The following LRRC4C variants were observed in gnomAD, a reference collection of about 807,000 sequenced individuals.
The protein encoded by LRRC4C is leucine rich repeat containing 4C.
A neutral mutation model predicts 33.6 loss-of-function variants in LRRC4C; 5 were observed. The ratio of observed to expected loss-of-function variants is 0.15; its 90% confidence interval spans 0.08 to 0.31. LRRC4C has a LOEUF of 0.31. Among genes scored for constraint, LRRC4C ranks in the 10% least tolerant of loss-of-function variants. The probability of loss-of-function intolerance (pLI) is 1.00; values close to 1 mark genes in which losing one functional copy is unlikely to be tolerated. For synonymous variants in LRRC4C, 329 were observed against 302.0 expected, an observed-to-expected ratio of 1.09 and a Z score of -0.93; for missense variants, 560 against 796.7, an observed-to-expected ratio of 0.70 and a Z score of 3.58.
At chr11:40,167,341 T>C (rs1403098935) in intron 5 of LRRC4C, among the ~76,000 whole-genome samples, 1 of 152,210 alleles carries the variant, frequency 6.6e-6, no homozygotes, top group African/African-American at 2.4e-5. Flanking sequence ...TTCATTTGCA[T>C]AGTCTCAAAA....
chr11:40,553,954 G>T (rs1318466693), intron 3 of LRRC4C, among the ~76,000 whole-genome samples: 1 of 151,994 alleles, frequency 6.6e-6, no homozygotes, highest in Non-Finnish European at 1.5e-5. Context: ...GTTTAATTAG[G>T]TCCCAATTGT....
In LRRC4C at chr11:41,454,083, A is replaced by C. The variant is rs537062312; in HGVS notation, c.-496+5348T>G. Among the ~76,000 whole-genome samples the C allele has an allele frequency of 1.1e-4, 17 of 152,204 alleles. 1 individual carries two copies. The highest frequency in any genetic ancestry group is 5.2e-4 in the Admixed American group (8 of 15,272). The stretch of plus-strand genomic sequence containing the variant: ...AGGATAAAAAGAACCCACAACCTGA[A>C]GGACAAAACCCTGTTCTCTCCATGC... On this transcript the variant is annotated intron_variant, in intron 1 of 6. Transcript: ENST00000528697.
intron 3 of LRRC4C, among the ~76,000 whole-genome samples, chr11:40,505,558 T>C (rs950867321): frequency 6.6e-6 from 1 of 152,142 alleles, no homozygotes; most frequent in East Asian, 1.9e-4. Context: ...ATTTTCTCAA[T>C]TCCATATCCA....
chr11:41,039,134 T>C (rs977988753), intron 1 of LRRC4C, among the ~76,000 whole-genome samples: 1 of 152,194 alleles, frequency 6.6e-6, no homozygotes, highest in Non-Finnish European at 1.5e-5. Flanking sequence ...TCTAGTTTCA[T>C]TCTTCTGCAT....
In LRRC4C at chr11:40,895,853, C is replaced by T. The variant is rs538141351; in HGVS notation, c.-407+37782G>A. Among the ~76,000 whole-genome samples the T allele has an allele frequency of 3.3e-5, 5 of 152,206 alleles. No homozygotes were observed. In the South Asian group the frequency reaches 8.3e-4, roughly 25 times the overall value. On this transcript the variant is annotated intron_variant, in intron 2 of 6. Transcript: ENST00000528697. ...CTTTGAAGTTATCCTGGCATCTGAG[C>T]CCAACCCTGCAATCTGGGGGCTGTC...
At chr11:40,854,884 T>G (rs919660696) in intron 2 of LRRC4C, among the ~76,000 whole-genome samples, 2 of 152,066 alleles carry the variant, frequency 1.3e-5, no homozygotes, top group African/African-American at 4.8e-5. Context: ...TTAATAACAA[T>G]TAGAGATCAC....
chr11:40,775,837 C>T (rs116859230), intron 2 of LRRC4C, among the ~76,000 whole-genome samples: 354 of 152,230 alleles, frequency 2.3e-3, no homozygotes, highest in Non-Finnish European at 4.0e-3. Flanking sequence ...TGAGAATAAA[C>T]ATTATTATCT....
chr11:40,992,971 T>C (rs1853688138), intron 1 of LRRC4C, among the ~76,000 whole-genome samples: 1 of 152,172 alleles, frequency 6.6e-6, no homozygotes, highest in Non-Finnish European at 1.5e-5. Flanking sequence ...TCTTGGCTGC[T>C]GGAAATTACA....
chr11:40,434,260 T>C (rs974711219), intron 3 of LRRC4C, among the ~76,000 whole-genome samples: 2 of 152,168 alleles, frequency 1.3e-5, no homozygotes, highest in Non-Finnish European at 2.9e-5. Context: ...GCAGACACAA[T>C]ATATGTTATT....
At chr11:40,457,070 G>C (rs1952166136) in intron 3 of LRRC4C, among the ~76,000 whole-genome samples, 1 of 132,742 alleles carries the variant, frequency 7.5e-6, no homozygotes, top group South Asian at 2.4e-4. Flanking sequence ...CAACAGCTCA[G>C]AATTTTAGCT....
chr11:40,395,960 C>T lies in LRRC4C; in HGVS notation c.-269-76239G>A, dbSNP rs901706936. Among the ~76,000 whole-genome samples the T allele has an allele frequency of 7.2e-5, 11 of 152,140 alleles. No individual in the cohort carries two copies. In the East Asian group the frequency reaches 1.2e-3, roughly 16 times the overall value. ...TGAGATCACACCACTGCACTCCAGCCAGGCAACAGAGTGAGACTCTGTCAC... is the reference window on the plus strand; with the variant it reads ...TGAGATCACACCACTGCACTCCAGCTAGGCAACAGAGTGAGACTCTGTCAC... On this transcript the variant is annotated intron_variant, in intron 3 of 6. Coordinates refer to ENST00000528697, the MANE Select transcript of LRRC4C (RefSeq NM_001258419.2).
intron 3 of LRRC4C, among the ~76,000 whole-genome samples, chr11:40,573,084 T>C (rs1383139054): frequency 6.6e-6 from 1 of 152,202 alleles, no homozygotes. Context: ...AAGGTGACTA[T>C]TATTGCTCTG....
Position 40,746,139 on chromosome 11 carries a change from A to G in LRRC4C, c.-406-97861T>C, listed in dbSNP as rs763307166. ...TGAAAGAGGGTCCCCAACACAGGGA[A>G]AGGCTAAGCGAGAGACCCTTAGTAG... On this transcript the variant is annotated intron_variant, in intron 2 of 6. Coordinates refer to ENST00000528697, the MANE Select transcript of LRRC4C (RefSeq NM_001258419.2). Among the ~76,000 whole-genome samples, 12 of 152,272 alleles carry G rather than the reference A, an allele frequency of 7.9e-5. No homozygotes were observed. The Middle Eastern group carries it at 0.01, about 129-fold the overall frequency.
intron 1 of LRRC4C, among the ~76,000 whole-genome samples, chr11:41,382,393 A>G (rs4756642): frequency 0.25 from 38,554 of 151,932 alleles, 5,675 homozygotes; most frequent in East Asian, 0.43. Context: ...AAAATAAATC[A>G]TTTTCAGACA....
chr11:40,825,282 G>C (rs575985467), intron 2 of LRRC4C, among the ~76,000 whole-genome samples: 5 of 151,944 alleles, frequency 3.3e-5, no homozygotes, highest in Middle Eastern at 3.4e-3. Context: ...CCGTGTTGCC[G>C]AGATCTAAAT....
chr11:40,675,017 G>C (rs1023590413), intron 2 of LRRC4C, among the ~76,000 whole-genome samples: 1 of 152,198 alleles, frequency 6.6e-6, no homozygotes, highest in Non-Finnish European at 1.5e-5. Context: ...CTACTCTGAA[G>C]CATCAAAAAA....
At chr11:41,119,227 T>G (rs926380076) in intron 1 of LRRC4C, among the ~76,000 whole-genome samples, 2 of 152,202 alleles carry the variant, frequency 1.3e-5, no homozygotes, top group Non-Finnish European at 2.9e-5. Context: ...CATAGCATAT[T>G]TTAAATTATT....
At chr11:40,732,229 C>T (rs1391552900) in intron 2 of LRRC4C, among the ~76,000 whole-genome samples, 1 of 152,086 alleles carries the variant, frequency 6.6e-6, no homozygotes, top group Non-Finnish European at 1.5e-5. Flanking sequence ...ATGGCCCTCA[C>T]ATTGCCAACA....
intron 1 of LRRC4C, among the ~76,000 whole-genome samples, chr11:41,099,948 GA>G (rs2135600050): frequency 6.6e-6 from 1 of 152,202 alleles, no homozygotes; most frequent in African/African-American, 2.4e-5. Flanking sequence ...CCCATAGTCT[GA>G]GTGCAAAAGC....
Sources: allele counts gnomAD v4.1 joint callset (sites outside exome capture counted in the v4.1 genomes callset), GRCh38; gene constraint gnomAD v4.1.1; transcripts MANE v1.5; gene names NCBI Gene and HGNC (gene_info 2026-07-23, HGNC 2026-07-21).